The following SPAG16 variants were observed in gnomAD, a reference collection of about 807,000 sequenced individuals.
SPAG16 encodes the protein sperm-associated antigen 16 protein.
A neutral mutation model predicts 80.4 loss-of-function variants in SPAG16; 86 were observed. The observed-to-expected ratio is 1.07, with a 90% CI of 0.90 to 1.28. The LOEUF (loss-of-function observed/expected upper bound fraction) is 1.28. Ranked by LOEUF, SPAG16 falls within the 50% of genes most tolerant of loss-of-function variation. The probability of loss-of-function intolerance (pLI) is 0.00; values close to 1 mark genes in which losing one functional copy is unlikely to be tolerated. For missense variants in SPAG16, 870 were observed against 765.3 expected, an observed-to-expected ratio of 1.14 and a Z score of -1.61; for synonymous variants, 294 against 265.9, an observed-to-expected ratio of 1.11 and a Z score of -1.03.
intron 12 of SPAG16, among the ~76,000 whole-genome samples, chr2:213,975,495 A>G (rs1398573017): frequency 6.6e-6 from 1 of 151,858 alleles, no homozygotes. Context: ...GGAAATGGCA[A>G]TATTACATTC....
At chr2:213,674,198 C>T (rs1204266063) in intron 10 of SPAG16, among the ~76,000 whole-genome samples, 1 of 151,940 alleles carries the variant, frequency 6.6e-6, no homozygotes, top group Non-Finnish European at 1.5e-5. Context: ...AAATGGCATG[C>T]TGTTATAATT....
chr2:213,467,918 A>T (rs1257252176), intron 9 of SPAG16, among the ~76,000 whole-genome samples: 1 of 152,138 alleles, frequency 6.6e-6, no homozygotes, highest in Admixed American at 6.5e-5. Context: ...CTGGGTTTTT[A>T]AGCCTGCAAG....
In SPAG16 at chr2:213,861,674, A is replaced by G. The variant is rs531988494; in HGVS notation, c.1071-811A>G. Among the ~76,000 whole-genome samples, 6 of 152,320 alleles carry G rather than the reference A, an allele frequency of 3.9e-5. No individual in the cohort carries two copies. The East Asian group carries it at 1.2e-3, about 29-fold the overall frequency. Reference sequence around the variant, plus strand: ...ATAGATGAAACTTTATACAAATAAGATTAAAGCATTGCCATAGCTAAAATA... The same window carrying G: ...ATAGATGAAACTTTATACAAATAAGGTTAAAGCATTGCCATAGCTAAAATA... On this transcript the variant is annotated intron_variant, in intron 10 of 15. Coordinates refer to ENST00000331683, the MANE Select transcript of SPAG16 (RefSeq NM_024532.5).
chr2:213,906,546 T>G (rs2106147917), intron 11 of SPAG16, among the ~76,000 whole-genome samples: 1 of 152,212 alleles, frequency 6.6e-6, no homozygotes, highest in East Asian at 1.9e-4. Flanking sequence ...CAAAAGAGCC[T>G]AAATAGCCAA....
At chr2:213,299,792 C>G (rs1385756365) in intron 3 of SPAG16, among the ~76,000 whole-genome samples, 1 of 151,886 alleles carries the variant, frequency 6.6e-6, no homozygotes, top group Non-Finnish European at 1.5e-5. Flanking sequence ...TAATCTATAA[C>G]AGTTATGTAG....
chr2:213,368,569 A>G (rs909790014), intron 8 of SPAG16, among the ~76,000 whole-genome samples: 4 of 152,180 alleles, frequency 2.6e-5, no homozygotes, highest in East Asian at 1.9e-4. Context: ...GGCCAGGGCA[A>G]TTAGTCAGGA....
At chr2:213,465,906 T>A (rs1288392471) in intron 9 of SPAG16, among the ~76,000 whole-genome samples, 1 of 152,154 alleles carries the variant, frequency 6.6e-6, no homozygotes, top group East Asian at 1.9e-4. Context: ...CCTGGGTGTG[T>A]GTTTGATGGT....
intron 15 of SPAG16, chr2:214,240,855 A>G (rs1048830714): frequency 6.6e-6 from 1 of 152,202 alleles, no homozygotes; most frequent in African/African-American, 2.4e-5. Context: ...TATGCTGAAA[A>G]AGTTCATAAT....
intron 9 of SPAG16, among the ~76,000 whole-genome samples, chr2:213,404,861 G>T (rs192352118): frequency 2.0e-5 from 3 of 151,644 alleles, no homozygotes; most frequent in Non-Finnish European, 4.4e-5. Flanking sequence ...TTAATTATTG[G>T]TAGCTCCTTT....
intron 15 of SPAG16, among the ~76,000 whole-genome samples, chr2:214,330,584 C>T (rs920320611): frequency 3.9e-5 from 6 of 152,140 alleles, no homozygotes; most frequent in South Asian, 4.1e-4. Flanking sequence ...GTTGATCCTA[C>T]GGAACATCTG....
rs564833428 is a variant in SPAG16, at chr2:213,986,075, G to T, written c.1401-27876G>T. Among the ~76,000 whole-genome samples the T allele has an allele frequency of 7.2e-5, 11 of 152,160 alleles. 1 individual carries two copies. In the South Asian group the frequency reaches 2.3e-3, roughly 32 times the overall value. On this transcript the variant is annotated intron_variant, in intron 12 of 15. Transcript: ENST00000331683. ...TAATACAAAGCAGGGAGTAGTAGAC[G>T]CTTAAAGAATAGGGAGGCTTAGTAT...
chr2:213,350,661 A>AAAGATAT lies in SPAG16; in HGVS notation c.762+17_762+18insAGATATA. On this transcript the variant is annotated intron_variant, in intron 7 of 15. Coordinates refer to ENST00000331683, the MANE Select transcript of SPAG16 (RefSeq NM_024532.5). ...AGTTGGGCAGGTAAAGATATAGTCA[A>AAAGATAT]AGCTAACTTAAAATGATCTTTTAAT... 7.3e-7 allele frequency: 1 copy of AAAGATAT among 1,371,812 alleles called. No individual in the cohort carries two copies. The highest frequency in any genetic ancestry group is 1.0e-6 in the Non-Finnish European group (1 of 999,342). The allele number at this position is 1,371,812 out of a possible 1,614,324, so 85.0% of individuals were successfully genotyped here. A position where few individuals can be genotyped will look rare whatever the true frequency, so the allele number is the denominator to read the frequency against.
At chr2:213,638,580 A>G (rs1382864664) in intron 10 of SPAG16, among the ~76,000 whole-genome samples, 2 of 152,064 alleles carry the variant, frequency 1.3e-5, no homozygotes, top group Non-Finnish European at 1.5e-5. Context: ...GTTGATTTCC[A>G]ATTTTGTCCC....
At chr2:213,357,167 T>C (rs985194847) in intron 7 of SPAG16, among the ~76,000 whole-genome samples, 2 of 152,160 alleles carry the variant, frequency 1.3e-5, no homozygotes, top group Non-Finnish European at 2.9e-5. Context: ...AGGAGTGCTT[T>C]ACTTCCAATT....
intron 11 of SPAG16, among the ~76,000 whole-genome samples, chr2:213,898,554 T>A (rs1388754181): frequency 6.6e-6 from 1 of 152,166 alleles, no homozygotes; most frequent in African/African-American, 2.4e-5. Flanking sequence ...GTGGAACAGA[T>A]GGTTCTCCCA....
At chr2:214,193,618 C>T (rs1023923246) in intron 15 of SPAG16, among the ~76,000 whole-genome samples, 2 of 151,984 alleles carry the variant, frequency 1.3e-5, no homozygotes. Flanking sequence ...ATCTCTGCAA[C>T]GTCTGTCATG....
Position 213,528,726 on chromosome 2 carries a change from G to GGAA in SPAG16, c.1070+38643_1070+38645dup, listed in dbSNP as rs113147091. Among the ~76,000 whole-genome samples the GGAA allele has an allele frequency of 7.8e-4, 118 of 152,144 alleles. 2 individuals are homozygous for GGAA. Among genetic ancestry groups the GGAA allele is most frequent in the Middle Eastern group, 3.4e-3 (1 of 292 alleles). ...ATTTTTGGCTTCCCTGGGCCACACT[G>GGAA]GAAGAAGAATTGTCTTGGGCTACAG... On this transcript the variant is annotated intron_variant, in intron 10 of 15. Coordinates refer to ENST00000331683, the MANE Select transcript of SPAG16 (RefSeq NM_024532.5).
chr2:214,353,552 C>G (rs920596118), intron 15 of SPAG16, among the ~76,000 whole-genome samples: 7 of 152,080 alleles, frequency 4.6e-5, no homozygotes, highest in Non-Finnish European at 8.8e-5. Flanking sequence ...TTTAACAGAT[C>G]ACATACTGCC....
chr2:213,795,552 A>G (rs1378046818), intron 10 of SPAG16, among the ~76,000 whole-genome samples: 2 of 152,180 alleles, frequency 1.3e-5, no homozygotes, highest in African/African-American at 4.8e-5. Flanking sequence ...ATTCTTGTTC[A>G]TATTTCTGAC....
Sources: gnomAD v4.1 joint callset for allele counts (sites outside exome capture counted in the v4.1 genomes callset) on GRCh38, gnomAD v4.1.1 for gene constraint, MANE v1.5 for transcripts, NCBI Gene and HGNC (gene_info 2026-07-23, HGNC 2026-07-21) for gene names.